PWP1: variants seen among roughly 807,000 people sequenced by gnomAD.
The protein encoded by PWP1 is periodic tryptophan protein 1 homolog.
A neutral mutation model predicts 69.9 loss-of-function variants in PWP1; 47 were observed. That is an observed-to-expected ratio of 0.67 (90% CI 0.53 to 0.86). The LOEUF is 0.86. Among genes scored for constraint, PWP1 ranks in the 40% least tolerant of loss-of-function variants. The pLI, the probability that PWP1 is intolerant of heterozygous loss-of-function variation, is 0.00. For synonymous variants in PWP1, 222 were observed against 208.2 expected (o/e 1.07, Z -0.57); for missense variants, 551 against 608.8 (o/e 0.91, Z 1.00).
In PWP1 at chr12:107,685,830, C is replaced by T. The variant is rs1889350729; in HGVS notation, c.-70C>T. On this transcript the variant is annotated 5_prime_UTR_variant, in exon 1 of 15. Transcript: ENST00000412830. ...CCTGTGCAGATCCCTGAGCGTGTGG[C>T]AGCAGTGCGGTCGTGGTCCCTCCCT... 1.3e-6 allele frequency: 2 copies of T among 1,528,836 alleles called. No individual in the cohort carries two copies. Among genetic ancestry groups the T allele is most frequent in the Non-Finnish European group, 9.0e-7 (1 of 1,105,052 alleles). 94.7% of individuals were successfully genotyped at this position (1,528,836 alleles called of 1,614,324 possible).
At chr12:107,702,795 T>C (rs2136281815) in intron 8 of PWP1, 140 bp from the exon 9 acceptor site, 1 of 630,688 alleles carries the variant, frequency 1.6e-6, no homozygotes, top group Non-Finnish European at 2.8e-6. Context: ...GTTTTCATTA[T>C]GTAAGTCTTA....
intron 5 of PWP1, among the ~76,000 whole-genome samples, chr12:107,694,185 G>A (rs1325527237): frequency 3.9e-5 from 6 of 151,998 alleles, no homozygotes; most frequent in South Asian, 2.1e-4. Context: ...AATGTCTGGC[G>A]CACTCTGCCT....
At chr12:107,691,734 C>G (rs149497660) in intron 3 of PWP1, among the ~76,000 whole-genome samples, 1 of 152,188 alleles carries the variant, frequency 6.6e-6, no homozygotes, top group Non-Finnish European at 1.5e-5. Flanking sequence ...TTCCTCACTC[C>G]ATCTGAATTG....
Position 107,709,182 on chromosome 12 carries a change from G to T in PWP1, c.1240G>T (p.Asp414Tyr). The T allele has an allele frequency of 6.2e-7, 1 of 1,613,892 alleles. No individual in the cohort carries two copies. Among genetic ancestry groups the T allele is most frequent in the Non-Finnish European group, 8.5e-7 (1 of 1,179,810 alleles). ...ASADKYVKIWDILGDRPSLVH... is the reference protein window; with the variant it reads ...ASADKYVKIWYILGDRPSLVH... Reference sequence around the variant, plus strand: ...AGCTGACAAATACGTGAAGATCTGGGACATCTTAGGAGATAGGCCAAGTCT... The same window carrying T: ...AGCTGACAAATACGTGAAGATCTGGTACATCTTAGGAGATAGGCCAAGTCT... The change falls in exon 13 of 15, where the codon GAC (aspartate) becomes TAC (tyrosine). Residue 414 changes from aspartate to tyrosine, a missense_variant. Asp to Tyr is a radical substitution (Grantham distance 160). Coordinates refer to ENST00000412830, the MANE Select transcript of PWP1 (RefSeq NM_007062.3).
chr12:107,703,739 T>A lies in PWP1; in HGVS notation c.958T>A (p.Tyr320Asn), dbSNP rs149261306. Reference protein sequence around the residue: ...FEAQTLISGSYDKSVALYDCR... With the variant: ...FEAQTLISGSNDKSVALYDCR... The stretch of plus-strand genomic sequence containing the variant: ...AGCACAGACTCTGATTTCTGGCTCA[T>A]ATGATAAGTAAGAAAGCACAGCAAG... Residue 320 changes from tyrosine (Y) to asparagine (N), a missense_variant, in exon 10 of 15, where the codon TAT becomes AAT. By Grantham distance (143) the Tyr-to-Asn change is moderately radical. Coordinates refer to ENST00000412830, the MANE Select transcript of PWP1 (RefSeq NM_007062.3). The A allele has an allele frequency of 4.4e-6, 7 of 1,597,666 alleles. No homozygotes were observed. In the African/African-American group the frequency reaches 9.4e-5, roughly 21 times the overall value.
At chr12:107,707,607 G>C (rs746732865) in intron 11 of PWP1, among the ~76,000 whole-genome samples, 23 of 152,232 alleles carry the variant, frequency 1.5e-4, no homozygotes, top group Non-Finnish European at 2.6e-4. Flanking sequence ...TAGCATGAAG[G>C]GCTGTTGAAT....
intron 11 of PWP1, among the ~76,000 whole-genome samples, chr12:107,705,694 G>T (rs1191545703): frequency 6.6e-6 from 1 of 151,936 alleles, no homozygotes; most frequent in African/African-American, 2.4e-5. Context: ...CCCTACAAAG[G>T]ACATGAACTC....
At position 107,712,407 on chromosome 12, in the gene PWP1, G is replaced by GT; in HGVS notation, c.*190dup. The GT allele has an allele frequency of 2.0e-6, 1 of 496,768 alleles. No individual in the cohort carries two copies. The highest frequency in any genetic ancestry group is 3.6e-6 in the Non-Finnish European group (1 of 278,842). The allele number at this position is 496,768 out of a possible 1,614,324, so 30.8% of individuals were successfully genotyped here. A position where few individuals can be genotyped will look rare whatever the true frequency, so the allele number is the denominator to read the frequency against. Reference sequence around the variant, plus strand: ...TTTGTGCTTGCTCTTCAGATGGATGGTTTGTAAGGCTCTTGTTGCATTTCT... The same window carrying GT: ...TTTGTGCTTGCTCTTCAGATGGATGGTTTTGTAAGGCTCTTGTTGCATTTCT... On this transcript the variant is annotated 3_prime_UTR_variant, in exon 15 of 15. Transcript: ENST00000412830.
chr12:107,708,853 A>C, intron 11 of PWP1, 73 bp from the exon 12 acceptor site: 1 of 1,337,594 alleles, frequency 7.5e-7, no homozygotes, highest in Non-Finnish European at 1.1e-6. Flanking sequence ...GATTTTCACT[A>C]TGACTTAGAC....
Position 107,712,349 on chromosome 12 carries a change from C to T in PWP1, c.*129C>T. 1 of 650,666 alleles carries T rather than the reference C, an allele frequency of 1.5e-6. No homozygotes were observed. The highest frequency in any genetic ancestry group is 2.7e-5 in the East Asian group (1 of 36,494). The allele number at this position is 650,666 out of a possible 1,614,324, so 40.3% of individuals were successfully genotyped here. On this transcript the variant is annotated 3_prime_UTR_variant, in exon 15 of 15. Coordinates refer to ENST00000412830, the MANE Select transcript of PWP1 (RefSeq NM_007062.3). ...ATTCATTTCTGACTGACATTCCTTT[C>T]TGCAACTGCGGTGGCACCACAAATA...
Position 107,688,005 on chromosome 12 carries a change from T to C in PWP1, c.73-443T>C, listed in dbSNP as rs181001862. 4.1e-3 allele frequency among the ~76,000 whole-genome samples: 486 copies of C among 118,544 alleles called. 4 individuals carry two copies. The highest frequency in any genetic ancestry group is 0.015 in the African/African-American group (460 of 30,336). 77.8% of individuals were successfully genotyped at this position (118,544 alleles called of 152,430 possible). The stretch of plus-strand genomic sequence containing the variant: ...GAGATGGCGCCATTGCTCTTCAGCC[T>C]GGGCAACAGAGCGAGACTCCGTCTC... On this transcript the variant is annotated intron_variant, in intron 1 of 14. Coordinates refer to ENST00000412830, the MANE Select transcript of PWP1 (RefSeq NM_007062.3).
chr12:107,697,907 T>A, intron 7 of PWP1: 1 of 422,458 alleles, frequency 2.4e-6, no homozygotes, highest in Non-Finnish European at 4.6e-6. Flanking sequence ...ATACAGTAGC[T>A]ATTTATACAG....
intron 3 of PWP1, among the ~76,000 whole-genome samples, chr12:107,691,938 C>T (rs1056382987): frequency 8.5e-5 from 13 of 152,140 alleles, no homozygotes; most frequent in Non-Finnish European, 1.5e-4. Flanking sequence ...TGACCACTCT[C>T]GGGCTCTAAA....
In PWP1 at chr12:107,689,475, G is replaced by A. The variant is rs1889438975; in HGVS notation, c.319+673G>A. On this transcript the variant is annotated intron_variant, in intron 3 of 14. Coordinates refer to ENST00000412830, the MANE Select transcript of PWP1 (RefSeq NM_007062.3). The stretch of plus-strand genomic sequence containing the variant: ...AATTAGAAAAAGAGGCCAGGTGCAC[G>A]TGACTCACGCCTGTAATCCCAGCAC... Among the ~76,000 whole-genome samples the A allele has an allele frequency of 2.0e-5, 3 of 152,198 alleles. 1 individual carries two copies. The highest frequency in any genetic ancestry group is 4.1e-4 in the South Asian group (2 of 4,828).
chr12:107,711,424 A>T (rs1889950185), intron 14 of PWP1, among the ~76,000 whole-genome samples: 1 of 152,214 alleles, frequency 6.6e-6, no homozygotes, highest in African/African-American at 2.4e-5. Flanking sequence ...TAACAAATAC[A>T]TATCTTAAAA....
chr12:107,697,819 A>G (rs757530537), intron 7 of PWP1: 18 of 580,154 alleles, frequency 3.1e-5, no homozygotes, highest in South Asian at 2.7e-4. Context: ...TTTCTTACAC[A>G]AAACTAGTTC....
At chr12:107,695,206 C>T (rs1889559664) in intron 5 of PWP1, among the ~76,000 whole-genome samples, 1 of 151,632 alleles carries the variant, frequency 6.6e-6, no homozygotes, top group African/African-American at 2.4e-5. Flanking sequence ...GCAGGGCTTG[C>T]AGTGGGCTGA....
chr12:107,699,173 C>T (rs763093092), intron 7 of PWP1, among the ~76,000 whole-genome samples, 200 bp from the exon 8 acceptor site: 2 of 152,006 alleles, frequency 1.3e-5, no homozygotes, highest in East Asian at 1.9e-4. Context: ...GCAGGAGAAT[C>T]GCTTGAATCC....
At chr12:107,701,090 TTTGTGTATC>T in intron 8 of PWP1, among the ~76,000 whole-genome samples, 1 of 152,264 alleles carries the variant, frequency 6.6e-6, no homozygotes, top group South Asian at 2.1e-4. Flanking sequence ...TTATTGGCCA[TTTGTGTATC>T]TTCTTTGGGA....
Sources: allele counts gnomAD v4.1 joint callset (sites outside exome capture counted in the v4.1 genomes callset), GRCh38; gene constraint gnomAD v4.1.1; transcripts MANE v1.5; gene names NCBI Gene and HGNC (gene_info 2026-07-23, HGNC 2026-07-21).